Variants in TTC7B observed in about 807,000 individuals in gnomAD.
TTC7B encodes the protein tetratricopeptide repeat protein 7B.
In TTC7B, 28 loss-of-function variants were observed where a neutral mutation model predicts 106.8. The observed-to-expected ratio is 0.26, with a 90% CI of 0.19 to 0.36. TTC7B has a LOEUF of 0.36. Among genes scored for constraint, TTC7B ranks in the 10% least tolerant of loss-of-function variants. The probability of loss-of-function intolerance (pLI) is 1.00; values close to 1 mark genes in which losing one functional copy is unlikely to be tolerated. For synonymous variants in TTC7B, 405 were observed against 430.6 expected (o/e 0.94, Z 0.74); for missense variants, 862 against 1,076.4 (o/e 0.80, Z 2.79).
intron 18 of TTC7B, among the ~76,000 whole-genome samples, chr14:90,591,097 T>A (rs763873528): frequency 1.3e-5 from 2 of 152,182 alleles, no homozygotes; most frequent in African/African-American, 2.4e-5. Flanking sequence ...CCTAGCACTT[T>A]AGGAGGCTGA....
intron 16 of TTC7B, among the ~76,000 whole-genome samples, chr14:90,616,794 G>A (rs1020260719): frequency 6.6e-6 from 1 of 152,058 alleles, no homozygotes; most frequent in African/African-American, 2.4e-5. Flanking sequence ...TGCAGACCAC[G>A]GCCACCAGCC....
intron 5 of TTC7B, among the ~76,000 whole-genome samples, chr14:90,705,199 C>T (rs780893152): frequency 3.9e-5 from 6 of 152,172 alleles, no homozygotes; most frequent in Admixed American, 1.3e-4. Flanking sequence ...TGCACACCTA[C>T]TCATGTAGCT....
chr14:90,548,346 C>G (rs1055414330), intron 19 of TTC7B, among the ~76,000 whole-genome samples: 1 of 152,234 alleles, frequency 6.6e-6, no homozygotes, highest in Non-Finnish European at 1.5e-5. Context: ...CACCATTACC[C>G]TTTGCAGGGG....
chr14:90,652,158 T>C (rs1210037604), intron 13 of TTC7B, among the ~76,000 whole-genome samples: 1 of 152,214 alleles, frequency 6.6e-6, no homozygotes, highest in African/African-American at 2.4e-5. Context: ...CTTCAACAGC[T>C]GCGGGACCGG....
intron 6 of TTC7B, among the ~76,000 whole-genome samples, chr14:90,690,455 A>T (rs1371941631): frequency 6.6e-6 from 1 of 152,218 alleles, no homozygotes; most frequent in African/African-American, 2.4e-5. Flanking sequence ...AACTTCTGTA[A>T]TTCCACTGCC....
In TTC7B at chr14:90,578,438, C is replaced by A; in HGVS notation, c.2108-130G>T. 3 of 897,512 alleles carry A rather than the reference C, an allele frequency of 3.3e-6. No individual in the cohort carries two copies. Among genetic ancestry groups the A allele is most frequent in the Non-Finnish European group, 3.5e-6 (2 of 576,894 alleles). The allele number at this position is 897,512 out of a possible 1,614,324, so 55.6% of individuals were successfully genotyped here. A position where few individuals can be genotyped will look rare whatever the true frequency, so the allele number is the denominator to read the frequency against. On this transcript the variant is annotated intron_variant, in intron 18 of 19. Transcript: ENST00000328459. This position sits in a 1 kb window ranked among gnomAD's most constrained non-coding sequence, Gnocchi z 4.7. ...GCGCAGAGCCAGCTGATCCCTGCTC[C>A]AAGTGGAAACAGCTGCCGCTGACAG... is the stretch of plus-strand genomic sequence containing the variant.
At chr14:90,712,821 T>G (rs1888499660) in intron 5 of TTC7B, among the ~76,000 whole-genome samples, 1 of 152,096 alleles carries the variant, frequency 6.6e-6, no homozygotes, top group Non-Finnish European at 1.5e-5. Flanking sequence ...CCAAAATAAT[T>G]TTTAAAAAGA....
intron 7 of TTC7B, 66 bp from the exon 8 acceptor site, chr14:90,680,601 T>C (rs1308947577): frequency 1.7e-6 from 2 of 1,202,300 alleles, no homozygotes; most frequent in Non-Finnish European, 2.5e-6. Flanking sequence ...CAAGCAGAAC[T>C]GAACACTAAA....
At chr14:90,542,794 G>A (rs1889663273) in intron 19 of TTC7B, among the ~76,000 whole-genome samples, 1 of 152,282 alleles carries the variant, frequency 6.6e-6, no homozygotes, top group Admixed American at 6.5e-5. Flanking sequence ...TAGTGGCCCT[G>A]GGGGAGGATC....
intron 15 of TTC7B, among the ~76,000 whole-genome samples, chr14:90,637,476 C>T (rs1884994447): frequency 6.6e-6 from 1 of 151,860 alleles, no homozygotes; most frequent in South Asian, 2.1e-4. Context: ...CAAATAATTC[C>T]AAAACATGCA....
chr14:90,763,765 AG>A (rs1890582899), intron 3 of TTC7B, among the ~76,000 whole-genome samples: 1 of 152,218 alleles, frequency 6.6e-6, no homozygotes, highest in African/African-American at 2.4e-5. Context: ...AACATAAAAA[AG>A]AACTCTTAGA....
chr14:90,744,133 A>T (rs1889870004), intron 4 of TTC7B, among the ~76,000 whole-genome samples: 1 of 152,206 alleles, frequency 6.6e-6, no homozygotes, highest in South Asian at 2.1e-4. Flanking sequence ...GCCCCAGATG[A>T]ACAGGTCTTG....
rs906131453 is a variant in TTC7B at position 90,532,848 on chromosome 14, G to C, written c.*8520C>G. On this transcript the variant is annotated 3_prime_UTR_variant, in exon 20 of 20. Transcript: ENST00000328459. ...GCTCAGGAAGCCTCCATGGGCTTGG[G>C]GAGGTCATTTTCCTGGTAGCTGTGC... The C allele has an allele frequency of 2.0e-5, 3 of 152,224 alleles. No homozygotes were observed. The highest frequency in any genetic ancestry group is 1.3e-4 in the Admixed American group (2 of 15,280). The allele number at this position is 152,224 out of a possible 1,614,324, so 9.4% of individuals were successfully genotyped here.
chr14:90,595,094 G>A (rs1892150636), intron 17 of TTC7B, among the ~76,000 whole-genome samples: 1 of 152,224 alleles, frequency 6.6e-6, no homozygotes, highest in South Asian at 2.1e-4. Context: ...AGCACTTTGG[G>A]AGGCCGAGGC....
In TTC7B at chr14:90,655,015, C is replaced by G; in HGVS notation, c.1437G>C (p.Thr479=). 1 of 1,613,982 alleles carries G rather than the reference C, an allele frequency of 6.2e-7. No homozygotes were observed. Among genetic ancestry groups the G allele is most frequent in the Non-Finnish European group, 8.5e-7 (1 of 1,179,820 alleles). The change falls in exon 12 of 20, where the codon ACG becomes ACC. Residue 479 remains threonine (T), a synonymous_variant. Transcript: ENST00000328459. ...CACCGTCAGTGGCCTGCAGACTGTACGTGAGCCCCAGAGCTAAGTAGCCTT... is the reference window on the plus strand; with the variant it reads ...CACCGTCAGTGGCCTGCAGACTGTAGGTGAGCCCCAGAGCTAAGTAGCCTT... The part of the protein sequence containing the change: ...KAKGYLALGL[T]YSLQATDASL...
chr14:90,704,123 C>T (rs1396248215), intron 5 of TTC7B, among the ~76,000 whole-genome samples: 1 of 152,156 alleles, frequency 6.6e-6, no homozygotes, highest in Non-Finnish European at 1.5e-5. Flanking sequence ...TTGCCATATG[C>T]AATGAGATGG....
rs1029318663 is a variant in TTC7B, at chr14:90,575,793, G to T, written c.2310+2313C>A. Among the ~76,000 whole-genome samples the T allele has an allele frequency of 2.6e-5, 4 of 152,168 alleles. No homozygotes were observed. The highest frequency in any genetic ancestry group is 5.9e-5 in the Non-Finnish European group (4 of 68,032). ...CTAAACTCCTCAAATCTGTAGTCTC[G>T]CTCTTCTCATCCTGCCTCCAATCTG... On this transcript the variant is annotated intron_variant, in intron 19 of 19. Coordinates refer to ENST00000328459, the MANE Select transcript of TTC7B (RefSeq NM_001010854.2). This position sits in a 1 kb window ranked among gnomAD's most constrained non-coding sequence, Gnocchi z 5.2.
intron 9 of TTC7B, among the ~76,000 whole-genome samples, chr14:90,671,815 G>C (rs2139918103): frequency 6.6e-6 from 1 of 152,342 alleles, no homozygotes; most frequent in Middle Eastern, 3.4e-3. Context: ...AGGAAAGAAA[G>C]GCACGATGAT....
chr14:90,702,788 T>C (rs1888046054), intron 5 of TTC7B, among the ~76,000 whole-genome samples: 1 of 152,184 alleles, frequency 6.6e-6, no homozygotes, highest in Non-Finnish European at 1.5e-5. Flanking sequence ...CTCTGGGGCC[T>C]TGTGGTCACC....
Sources: gnomAD v4.1 joint callset for allele counts (sites outside exome capture counted in the v4.1 genomes callset) on GRCh38, gnomAD v4.1.1 for gene constraint, Gnocchi (gnomAD v3.1) non-coding constraint, MANE v1.5 for transcripts, NCBI Gene and HGNC (gene_info 2026-07-23, HGNC 2026-07-21) for gene names.